Variants in CDC42BPA observed in about 807,000 individuals in gnomAD.
CDC42BPA encodes serine/threonine-protein kinase MRCK alpha.
Under a neutral mutation model 223.5 loss-of-function variants are expected in CDC42BPA, and 80 were observed. The observed-to-expected ratio is 0.36, with a 90% CI of 0.30 to 0.43. CDC42BPA has a LOEUF of 0.43. Among genes scored for constraint, CDC42BPA ranks in the 20% least tolerant of loss-of-function variants. The pLI is 1.00. For synonymous variants in CDC42BPA, 694 were observed against 718.6 expected, an observed-to-expected ratio of 0.97 and a Z score of 0.55; for missense variants, 1,743 against 2,099.9, an observed-to-expected ratio of 0.83 and a Z score of 3.32.
At chr1:227,060,020 G>GTTTTTT (rs143944932) in intron 21 of CDC42BPA, among the ~76,000 whole-genome samples, 22 of 94,184 alleles carry the variant, frequency 2.3e-4, no homozygotes, top group African/African-American at 1.0e-3. Flanking sequence ...ATCTCAAAAA[G>GTTTTTT]TTTTTTTTTG....
chr1:227,021,034 A>G (rs1667272316), intron 32 of CDC42BPA, among the ~76,000 whole-genome samples: 1 of 152,112 alleles, frequency 6.6e-6, no homozygotes, highest in South Asian at 2.1e-4. Flanking sequence ...GAACACACAC[A>G]TTTATCAATT....
At chr1:227,064,925 A>G (rs10916082) in intron 21 of CDC42BPA, among the ~76,000 whole-genome samples, 44,400 of 151,582 alleles carry the variant, frequency 0.29, 6,805 homozygotes, top group African/African-American at 0.38. Flanking sequence ...GTGAAACCCC[A>G]TCTCTACTAA....
intron 15 of CDC42BPA, 148 bp from the exon 16 acceptor site, chr1:227,092,139 T>C: frequency 3.6e-6 from 2 of 560,334 alleles, no homozygotes; most frequent in East Asian, 3.0e-5. Context: ...TGTTTATATA[T>C]AATGACAGGC....
Position 227,278,497 on chromosome 1 carries a change from A to G in CDC42BPA, c.179-24342T>C, listed in dbSNP as rs1197926974. ...ACTAGGAAGTTAAGGTAGAACCCCA[A>G]TGTTCTGGGATTCCAAAACAGCCTT... On this transcript the variant is annotated intron_variant, in intron 1 of 36. Coordinates refer to ENST00000366766, the MANE Select transcript of CDC42BPA (RefSeq NM_001394014.1). 2.6e-5 allele frequency among the ~76,000 whole-genome samples: 4 copies of G among 152,176 alleles called. No homozygotes were observed. In the East Asian group the frequency reaches 5.8e-4, roughly 22 times the overall value.
At chr1:227,012,999 T>C (rs1049299397) in intron 34 of CDC42BPA, among the ~76,000 whole-genome samples, 3 of 151,982 alleles carry the variant, frequency 2.0e-5, no homozygotes, top group African/African-American at 4.8e-5. Flanking sequence ...GGTAGTGAAA[T>C]AGAAAAAAGT....
intron 12 of CDC42BPA, among the ~76,000 whole-genome samples, chr1:227,118,409 G>A (rs1688107633): frequency 6.6e-6 from 1 of 152,092 alleles, no homozygotes; most frequent in Non-Finnish European, 1.5e-5. Flanking sequence ...GATAACAAGT[G>A]TTGGCAAGGA....
At chr1:227,256,990 C>CACACACACACACACACACACACA (rs1683186834) in intron 1 of CDC42BPA, among the ~76,000 whole-genome samples, 5 of 143,794 alleles carry the variant, frequency 3.5e-5, no homozygotes, top group East Asian at 2.0e-4. Context: ...CACACACACA[C>CACACACACACACACACACACACA]CAGTATGTTA....
intron 21 of CDC42BPA, among the ~76,000 whole-genome samples, chr1:227,052,653 T>TA (rs1673764065): frequency 6.6e-6 from 1 of 152,190 alleles, no homozygotes; most frequent in Admixed American, 6.5e-5. Context: ...ATTGAGTTTT[T>TA]AAAATGAAAG....
intron 34 of CDC42BPA, among the ~76,000 whole-genome samples, chr1:227,014,996 G>C (rs1196263095): frequency 1.3e-5 from 2 of 151,906 alleles, no homozygotes; most frequent in Non-Finnish European, 2.9e-5. Flanking sequence ...ATAGGGTCTT[G>C]CTCAGTTGCC....
chr1:227,197,066 G>A (rs1670881693), intron 4 of CDC42BPA, among the ~76,000 whole-genome samples: 1 of 151,750 alleles, frequency 6.6e-6, no homozygotes, highest in South Asian at 2.1e-4. Context: ...TGCTATAATT[G>A]CAAATTTTTT....
intron 21 of CDC42BPA, among the ~76,000 whole-genome samples, chr1:227,058,324 C>T (rs1490977417): frequency 6.6e-6 from 1 of 152,132 alleles, no homozygotes; most frequent in Non-Finnish European, 1.5e-5. Flanking sequence ...CTCCAACATA[C>T]CAGAAAGACA....
chr1:227,039,803 T>G (rs1671008133), intron 24 of CDC42BPA, among the ~76,000 whole-genome samples: 2 of 152,210 alleles, frequency 1.3e-5, no homozygotes, highest in Admixed American at 1.3e-4. Flanking sequence ...GTTCCCACAC[T>G]GTCTACTTTT....
chr1:227,243,926 A>T (rs568548145), intron 2 of CDC42BPA, among the ~76,000 whole-genome samples: 1 of 152,164 alleles, frequency 6.6e-6, no homozygotes, highest in East Asian at 1.9e-4. Flanking sequence ...ATGTGAGGTG[A>T]TATGAAAATG....
intron 2 of CDC42BPA, among the ~76,000 whole-genome samples, chr1:227,244,588 C>T (rs1293684462): frequency 6.6e-6 from 1 of 151,992 alleles, no homozygotes; most frequent in Non-Finnish European, 1.5e-5. Context: ...ATGTAAAAAT[C>T]TGGCTATGGC....
At chr1:227,187,871 A>G (rs1218019525) in intron 5 of CDC42BPA, among the ~76,000 whole-genome samples, 1 of 151,844 alleles carries the variant, frequency 6.6e-6, no homozygotes. Flanking sequence ...TGAAATATTT[A>G]AAAGAAAAAA....
chr1:227,170,493 A>G (rs890508237), intron 5 of CDC42BPA, among the ~76,000 whole-genome samples: 7 of 151,956 alleles, frequency 4.6e-5, no homozygotes, highest in African/African-American at 1.5e-4. Context: ...GTTGTTTTAT[A>G]TTAGTCACTA....
In CDC42BPA at chr1:227,002,732, C is replaced by T. The variant is rs924435263; in HGVS notation, c.4975+2262G>A. 5.9e-5 allele frequency among the ~76,000 whole-genome samples: 9 copies of T among 152,292 alleles called. No homozygotes were observed. The South Asian group carries it at 6.2e-4, about 11-fold the overall frequency. ...ATGGAGAGGCCCACATTGGCAAAAA[C>T]GGGAAGCCTCCAACCAACAGTCAGT... On this transcript the variant is annotated intron_variant, in intron 35 of 36. Transcript: ENST00000366766.
At chr1:227,127,685 C>T (rs927711130) in intron 11 of CDC42BPA, among the ~76,000 whole-genome samples, 3 of 152,116 alleles carry the variant, frequency 2.0e-5, no homozygotes, top group African/African-American at 7.2e-5. Context: ...CAATAACTTA[C>T]TTTTGGAAAG....
chr1:227,279,941 C>T, intron 1 of CDC42BPA, among the ~76,000 whole-genome samples: 1 of 151,790 alleles, frequency 6.6e-6, no homozygotes, highest in East Asian at 1.9e-4. Context: ...GCCTGTAATC[C>T]CAGCTACCTG....
Sources: allele counts gnomAD v4.1 joint callset (sites outside exome capture counted in the v4.1 genomes callset), GRCh38; gene constraint gnomAD v4.1.1; transcripts MANE v1.5; gene names NCBI Gene and HGNC (gene_info 2026-07-23, HGNC 2026-07-21).